The following PABPC4L variants were observed in gnomAD, a reference collection of about 807,000 sequenced individuals.
PABPC4L encodes the protein polyadenylate-binding protein 4-like.
For synonymous variants in PABPC4L, 169 were observed against 164.1 expected, an observed-to-expected ratio of 1.03 and a Z score of -0.23; for missense variants, 452 against 451.4, an observed-to-expected ratio of 1.00 and a Z score of -0.01.
chr4:133,999,077 T>C, the PABPC4L span, among the ~76,000 whole-genome samples: 1 of 152,036 alleles, frequency 6.6e-6, no homozygotes, highest in Admixed American at 6.6e-5. Context: ...CTTGCTAAGC[T>C]CTTCCCAGTT....
chr4:134,078,556 T>C, the PABPC4L span, among the ~76,000 whole-genome samples: 1 of 152,102 alleles, frequency 6.6e-6, no homozygotes, highest in Non-Finnish European at 1.5e-5. Flanking sequence ...TTATGTATAG[T>C]TGTTAAACTG....
chr4:134,136,108 T>C, the PABPC4L span, among the ~76,000 whole-genome samples: 1 of 152,064 alleles, frequency 6.6e-6, no homozygotes, highest in African/African-American at 2.4e-5. Context: ...ATAGTATAGA[T>C]TCAAACCTTA....
At chr4:134,079,578 C>CAAAAAAAAAAA in the PABPC4L span, among the ~76,000 whole-genome samples, 25 of 90,690 alleles carry the variant, frequency 2.8e-4, no homozygotes, top group African/African-American at 6.1e-4. Context: ...GACTTCCTCT[C>CAAAAAAAAAAA]AAAAAAAAAA....
chr4:134,050,706 C>CAAAA, the PABPC4L span, among the ~76,000 whole-genome samples: 48 of 82,974 alleles, frequency 5.8e-4, 1 homozygote, highest in African/African-American at 1.3e-3. Flanking sequence ...CACCGTCTCC[C>CAAAA]AAAAAAAAAA....
At chr4:134,176,582 T>C in the PABPC4L span, among the ~76,000 whole-genome samples, 68,775 of 151,918 alleles carry the variant, frequency 0.45, 18,047 homozygotes, top group East Asian at 0.98. Flanking sequence ...AGCACATGTG[T>C]GCCTCTCTCA....
the PABPC4L span, among the ~76,000 whole-genome samples, chr4:134,149,661 T>C: frequency 2.0e-5 from 3 of 152,138 alleles, no homozygotes; most frequent in African/African-American, 2.4e-5. Context: ...GAATACACAA[T>C]GGAAATGTTT....
the PABPC4L span, among the ~76,000 whole-genome samples, chr4:134,070,753 G>T: frequency 6.6e-6 from 1 of 152,070 alleles, no homozygotes; most frequent in South Asian, 2.1e-4. Context: ...TGGCAAAAGA[G>T]CTACCATGAG....
chr4:134,138,930 A>T, the PABPC4L span, among the ~76,000 whole-genome samples: 2 of 152,002 alleles, frequency 1.3e-5, no homozygotes, highest in Non-Finnish European at 1.5e-5. Flanking sequence ...CAAACTGACT[A>T]ATATCAGCTA....
rs771651939 is a variant in PABPC4L, at chr4:134,200,448, T to C, written c.572A>G (p.Asn191Ser). The change falls in exon 2 of 2, where the codon AAT becomes AGT. Residue 191 changes from asparagine to serine, a missense_variant. Asn to Ser is a conservative substitution (Grantham distance 46). Transcript: ENST00000421491. ...ELRSKASEFT[N>S]VYIKNFGGDM... ...ACCTCCAAAGTTTTTTATGTAAACA[T>C]TGGTGAATTCACTGGCTTTGCTTCT... The C allele has an allele frequency of 5.8e-6, 9 of 1,551,870 alleles. No homozygotes were observed. The highest frequency in any genetic ancestry group is 2.4e-5 in the South Asian group (2 of 84,084).
the PABPC4L span, among the ~76,000 whole-genome samples, chr4:134,046,842 A>T: frequency 6.6e-6 from 1 of 152,228 alleles, no homozygotes; most frequent in Non-Finnish European, 1.5e-5. Flanking sequence ...TGTTTCTGTG[A>T]GCACAGGGTT....
At chr4:133,952,504 T>C in the PABPC4L span, among the ~76,000 whole-genome samples, 10 of 152,026 alleles carry the variant, frequency 6.6e-5, no homozygotes, top group African/African-American at 1.9e-4. Context: ...AGAATTGGAG[T>C]GTTGTATGGT....
the PABPC4L span, among the ~76,000 whole-genome samples, chr4:133,982,598 A>C: frequency 6.6e-6 from 1 of 152,012 alleles, no homozygotes; most frequent in Non-Finnish European, 1.5e-5. Context: ...AATAGTAAGA[A>C]GTTTCAAATA....
At chr4:134,054,475 C>T in the PABPC4L span, among the ~76,000 whole-genome samples, 32,703 of 151,088 alleles carry the variant, frequency 0.22, 3,856 homozygotes, top group Middle Eastern at 0.26. Flanking sequence ...ACAGAAGAGT[C>T]CCATCACTGG....
chr4:134,020,382 C>A, the PABPC4L span, among the ~76,000 whole-genome samples: 11 of 152,092 alleles, frequency 7.2e-5, no homozygotes, highest in African/African-American at 2.7e-4. Flanking sequence ...TATTTTGAAA[C>A]AATCAATGTT....
chr4:134,078,091 T>C, the PABPC4L span, among the ~76,000 whole-genome samples: 1 of 152,176 alleles, frequency 6.6e-6, no homozygotes, highest in Non-Finnish European at 1.5e-5. Context: ...TACAGTGATA[T>C]AAGGTAAGTG....
the PABPC4L span, among the ~76,000 whole-genome samples, chr4:134,169,444 G>C: frequency 2.0e-5 from 3 of 152,006 alleles, no homozygotes; most frequent in Non-Finnish European, 2.9e-5. Flanking sequence ...TTCCTAGCTA[G>C]AGCAATCAGA....
At chr4:134,090,734 G>T in the PABPC4L span, among the ~76,000 whole-genome samples, 1 of 151,530 alleles carries the variant, frequency 6.6e-6, no homozygotes, top group Non-Finnish European at 1.5e-5. Context: ...TTGCACTCCA[G>T]CCTAGGTGAC....
chr4:134,056,490 T>C, the PABPC4L span, among the ~76,000 whole-genome samples: 1 of 151,958 alleles, frequency 6.6e-6, no homozygotes, highest in African/African-American at 2.4e-5. Flanking sequence ...TTTGCATCTA[T>C]TTACATTTTT....
the PABPC4L span, among the ~76,000 whole-genome samples, chr4:134,082,805 GA>G: frequency 3.6e-4 from 54 of 148,874 alleles, no homozygotes; most frequent in South Asian, 1.5e-3. Context: ...AGATCCTACT[GA>G]AAAAAAAAAT....
Sources: gnomAD v4.1 joint callset for allele counts (sites outside exome capture counted in the v4.1 genomes callset) on GRCh38, gnomAD v4.1.1 for gene constraint, MANE v1.5 for transcripts, NCBI Gene and HGNC (gene_info 2026-07-23, HGNC 2026-07-21) for gene names.